Variants in SPAG16 observed in about 807,000 individuals in gnomAD.
SPAG16 encodes sperm-associated antigen 16 protein.
Under a neutral mutation model 80.4 loss-of-function variants are expected in SPAG16, and 86 were observed. That is an observed-to-expected ratio of 1.07 (90% confidence interval 0.90 to 1.28). The LOEUF is 1.28. SPAG16 is among the 50% of genes most tolerant of loss of function. The pLI is 0.00. For synonymous variants in SPAG16, 294 were observed against 265.9 expected, an observed-to-expected ratio of 1.11 and a Z score of -1.03; for missense variants, 870 against 765.3, an observed-to-expected ratio of 1.14 and a Z score of -1.61.
intron 12 of SPAG16, among the ~76,000 whole-genome samples, chr2:213,934,691 G>C (rs1343481196): frequency 2.0e-5 from 3 of 152,136 alleles, no homozygotes; most frequent in Non-Finnish European, 4.4e-5. Flanking sequence ...GCATCACTAA[G>C]TTCTATACAA....
At chr2:214,156,891 T>C (rs2056239345) in intron 15 of SPAG16, among the ~76,000 whole-genome samples, 2 of 152,224 alleles carry the variant, frequency 1.3e-5, no homozygotes, top group Admixed American at 1.3e-4. Flanking sequence ...CAAACTAAGA[T>C]GTTCTTCCGA....
chr2:214,237,286 T>G (rs1173300655), intron 15 of SPAG16, among the ~76,000 whole-genome samples: 1 of 152,054 alleles, frequency 6.6e-6, no homozygotes, highest in African/African-American at 2.4e-5. Flanking sequence ...GACCACATTT[T>G]CAGTTAATAG....
chr2:214,056,414 A>AT (rs199546150), intron 13 of SPAG16, among the ~76,000 whole-genome samples: 3,493 of 151,152 alleles, frequency 0.023, 130 homozygotes, highest in African/African-American at 0.08. Context: ...AAGTCACACA[A>AT]TTTTTTTTTG....
chr2:213,606,437 G>T (rs2061263927), intron 10 of SPAG16, among the ~76,000 whole-genome samples: 1 of 152,124 alleles, frequency 6.6e-6, no homozygotes, highest in South Asian at 2.1e-4. Context: ...CTCAATTATA[G>T]CTATTTTACT....
chr2:214,004,207 T>C (rs1355870831), intron 12 of SPAG16, among the ~76,000 whole-genome samples: 1 of 152,158 alleles, frequency 6.6e-6, no homozygotes, highest in Non-Finnish European at 1.5e-5. Context: ...TAATCAGTAA[T>C]ATACTGCTGC....
intron 10 of SPAG16, among the ~76,000 whole-genome samples, chr2:213,686,588 T>G (rs1301696504): frequency 6.6e-6 from 1 of 152,108 alleles, no homozygotes; most frequent in Non-Finnish European, 1.5e-5. Context: ...CTTTCTTGTT[T>G]AATTTGATAA....
At position 214,265,497 on chromosome 2, in the gene SPAG16, G is replaced by A. The variant is rs187159261; in HGVS notation, c.1720+116231G>A. Among the ~76,000 whole-genome samples the A allele has an allele frequency of 1.5e-3, 235 of 151,930 alleles. 1 individual carries two copies. The highest frequency in any genetic ancestry group is 1.8e-3 in the Non-Finnish European group (121 of 67,892). On this transcript the variant is annotated intron_variant, in intron 15 of 15. Coordinates refer to ENST00000331683, the MANE Select transcript of SPAG16 (RefSeq NM_024532.5). ...GTTTTCAAAGTTTGTTGTACATTTTGGATATAACCCCTTTATCTAATACAT... is the reference window on the plus strand; with the variant it reads ...GTTTTCAAAGTTTGTTGTACATTTTAGATATAACCCCTTTATCTAATACAT...
At chr2:214,323,903 G>A (rs1239308660) in intron 15 of SPAG16, among the ~76,000 whole-genome samples, 1 of 152,150 alleles carries the variant, frequency 6.6e-6, no homozygotes, top group African/African-American at 2.4e-5. Flanking sequence ...AAAGAAAGCT[G>A]CATAAGAATA....
At chr2:214,154,796 T>A (rs1308484054) in intron 15 of SPAG16, among the ~76,000 whole-genome samples, 2 of 152,266 alleles carry the variant, frequency 1.3e-5, no homozygotes, top group Admixed American at 1.3e-4. Flanking sequence ...GATAAAAATC[T>A]GTAGGGACTT....
At chr2:213,758,511 G>C (rs1052239714) in intron 10 of SPAG16, among the ~76,000 whole-genome samples, 17 of 151,756 alleles carry the variant, frequency 1.1e-4, no homozygotes, top group Non-Finnish European at 2.5e-4. Context: ...AACCTCACAA[G>C]AAGTTAAAAA....
At chr2:214,137,422 T>C (rs1177030075) in intron 14 of SPAG16, among the ~76,000 whole-genome samples, 1 of 152,136 alleles carries the variant, frequency 6.6e-6, no homozygotes, top group Non-Finnish European at 1.5e-5. Context: ...TATAGTTTTA[T>C]ATATTTGTGT....
chr2:213,478,446 G>A (rs756116707), intron 9 of SPAG16, among the ~76,000 whole-genome samples: 18 of 152,142 alleles, frequency 1.2e-4, no homozygotes, highest in Non-Finnish European at 2.5e-4. Flanking sequence ...ATTCTGTAAT[G>A]TCATAAATAG....
intron 9 of SPAG16, among the ~76,000 whole-genome samples, chr2:213,451,019 C>T (rs1277852643): frequency 2.0e-5 from 3 of 152,054 alleles, no homozygotes; most frequent in Admixed American, 1.3e-4. Context: ...GTTACTGTGT[C>T]ATATAGTAAT....
At chr2:213,425,985 A>G (rs949361853) in intron 9 of SPAG16, among the ~76,000 whole-genome samples, 6 of 152,122 alleles carry the variant, frequency 3.9e-5, no homozygotes, top group Non-Finnish European at 8.8e-5. Flanking sequence ...ATTCTTACCA[A>G]TATGTGTTAT....
intron 11 of SPAG16, among the ~76,000 whole-genome samples, chr2:213,914,098 A>G (rs965101347): frequency 6.6e-6 from 1 of 152,172 alleles, no homozygotes; most frequent in Non-Finnish European, 1.5e-5. Context: ...AAAATTAGCT[A>G]TCACCATACC....
intron 10 of SPAG16, among the ~76,000 whole-genome samples, chr2:213,714,003 G>T (rs1009916432): frequency 6.6e-6 from 1 of 152,164 alleles, no homozygotes; most frequent in Non-Finnish European, 1.5e-5. Context: ...AGAAAAAAAG[G>T]ATGTTATGGG....
chr2:214,302,200 TGTA>T (rs1694602151), intron 15 of SPAG16, among the ~76,000 whole-genome samples: 1 of 152,204 alleles, frequency 6.6e-6, no homozygotes, highest in South Asian at 2.1e-4. Flanking sequence ...TAGGCAAATA[TGTA>T]ATTATTTTTG....
At chr2:214,391,334 G>C (rs1012854680) in intron 15 of SPAG16, among the ~76,000 whole-genome samples, 1 of 152,056 alleles carries the variant, frequency 6.6e-6, no homozygotes, top group Non-Finnish European at 1.5e-5. Context: ...AAATATTTTT[G>C]CTTCATCTTT....
intron 11 of SPAG16, among the ~76,000 whole-genome samples, chr2:213,914,790 G>A (rs2106183238): frequency 6.6e-6 from 1 of 152,168 alleles, no homozygotes; most frequent in East Asian, 1.9e-4. Flanking sequence ...GTCTTCTTTT[G>A]GAAAGAGTCT....
Sources: gnomAD v4.1 joint callset for allele counts (sites outside exome capture counted in the v4.1 genomes callset) on GRCh38, gnomAD v4.1.1 for gene constraint, MANE v1.5 for transcripts, NCBI Gene and HGNC (gene_info 2026-07-23, HGNC 2026-07-21) for gene names.